The following ADCY2 variants were observed in gnomAD, a reference collection of about 807,000 sequenced individuals.
ADCY2 encodes adenylate cyclase type 2.
In ADCY2, 31 loss-of-function variants were observed where a neutral mutation model predicts 125.2. The observed-to-expected ratio is 0.25, with a 90% CI of 0.19 to 0.33. The LOEUF is 0.33. ADCY2 is among the 10% of genes least tolerant of loss of function. The pLI, the probability that ADCY2 is intolerant of heterozygous loss-of-function variation, is 1.00. For missense variants in ADCY2, 904 were observed against 1,418.2 expected, an observed-to-expected ratio of 0.64 and a Z score of 5.82; for synonymous variants, 512 against 548.4, an observed-to-expected ratio of 0.93 and a Z score of 0.93.
intron 3 of ADCY2, among the ~76,000 whole-genome samples, chr5:7,618,714 G>A (rs981523194): frequency 6.6e-6 from 1 of 152,160 alleles, no homozygotes; most frequent in African/African-American, 2.4e-5. Flanking sequence ...TTAGAGAGAT[G>A]ATCTGTCTAA....
At chr5:7,811,228 C>T (rs958645261) in intron 22 of ADCY2, among the ~76,000 whole-genome samples, 7 of 152,110 alleles carry the variant, frequency 4.6e-5, no homozygotes, top group East Asian at 1.9e-4. Context: ...CTGGGCCGGG[C>T]GCAGTGGCTC....
intron 2 of ADCY2, among the ~76,000 whole-genome samples, chr5:7,482,488 G>C (rs1301133895): frequency 2.0e-5 from 3 of 151,914 alleles, no homozygotes. Context: ...TTGAAGATGT[G>C]GAGCAAACTC....
intron 2 of ADCY2, among the ~76,000 whole-genome samples, chr5:7,486,227 G>A (rs1032211294): frequency 1.3e-5 from 2 of 152,102 alleles, no homozygotes; most frequent in Non-Finnish European, 2.9e-5. Flanking sequence ...ATGAAGTATC[G>A]TAATAGTCAA....
chr5:7,465,562 A>G (rs1742084044), intron 2 of ADCY2, among the ~76,000 whole-genome samples: 1 of 152,184 alleles, frequency 6.6e-6, no homozygotes, highest in African/African-American at 2.4e-5. Context: ...TACAAGGTGT[A>G]TTTGGGATGA....
rs1018551329 is a variant in ADCY2, at chr5:7,820,742, G to A, written c.3123+53G>A. The A allele has an allele frequency of 7.7e-6, 12 of 1,560,882 alleles. No individual in the cohort carries two copies. The East Asian group carries it at 2.7e-4, about 36-fold the overall frequency. On this transcript the variant is annotated intron_variant, in intron 24 of 24. Transcript: ENST00000338316. ...TGCATCAACCATGTCTGTTCTCTTG[G>A]GAACCATAAATAAGTATAATAAGGA...
chr5:7,686,803 C>A (rs1579315729), intron 4 of ADCY2, among the ~76,000 whole-genome samples: 1 of 152,178 alleles, frequency 6.6e-6, no homozygotes, highest in African/African-American at 2.4e-5. Flanking sequence ...TGAAATTTAT[C>A]ATGGATGCCA....
At chr5:7,541,468 T>A (rs1734995280) in intron 3 of ADCY2, among the ~76,000 whole-genome samples, 2 of 152,322 alleles carry the variant, frequency 1.3e-5, no homozygotes, top group South Asian at 4.1e-4. Context: ...TGTCTGTCTT[T>A]GAGCAACATT....
chr5:7,789,852 C>A, intron 20 of ADCY2, 52 bp downstream of exon 20: 1 of 1,414,866 alleles, frequency 7.1e-7, no homozygotes, highest in Non-Finnish European at 9.4e-7. Flanking sequence ...GCCATGATGA[C>A]CTGGGTGAGG....
intron 3 of ADCY2, among the ~76,000 whole-genome samples, chr5:7,556,490 A>T (rs961545529): frequency 6.6e-6 from 1 of 152,252 alleles, no homozygotes; most frequent in African/African-American, 2.4e-5. Flanking sequence ...TGTTCTCAGT[A>T]TGTCAAGCTT....
chr5:7,423,198 A>C (rs1371485239), intron 2 of ADCY2, among the ~76,000 whole-genome samples: 1 of 152,196 alleles, frequency 6.6e-6, no homozygotes, highest in East Asian at 1.9e-4. Context: ...ATTTGAGGGA[A>C]GTGCAGCTGA....
intron 4 of ADCY2, among the ~76,000 whole-genome samples, chr5:7,645,734 C>A (rs927018093): frequency 1.3e-5 from 2 of 152,108 alleles, no homozygotes; most frequent in African/African-American, 4.8e-5. Flanking sequence ...TTCACTTATT[C>A]AACAGGCTTT....
chr5:7,666,047 C>G (rs370053105), intron 4 of ADCY2, among the ~76,000 whole-genome samples: 4 of 150,306 alleles, frequency 2.7e-5, no homozygotes, highest in Admixed American at 2.6e-4. Context: ...ACCATGTTAG[C>G]CAGGATGGTC....
chr5:7,466,255 G>T (rs775518781), intron 2 of ADCY2, among the ~76,000 whole-genome samples: 3 of 151,646 alleles, frequency 2.0e-5, no homozygotes, highest in African/African-American at 4.8e-5. Flanking sequence ...TTTTCTTTTT[G>T]TTATAACCTC....
intron 4 of ADCY2, among the ~76,000 whole-genome samples, chr5:7,687,474 A>G (rs1740555559): frequency 6.6e-6 from 1 of 152,138 alleles, no homozygotes; most frequent in African/African-American, 2.4e-5. Context: ...TTAGTTGGGA[A>G]GTGGTTCTCT....
chr5:7,743,884 A>AAC, intron 15 of ADCY2, 132 bp downstream of exon 15: 1 of 779,422 alleles, frequency 1.3e-6, no homozygotes, highest in South Asian at 1.7e-5. Flanking sequence ...CAGTTAAGGA[A>AAC]ACACACACCC....
At chr5:7,542,884 C>G (rs375761637) in intron 3 of ADCY2, among the ~76,000 whole-genome samples, 12 of 152,298 alleles carry the variant, frequency 7.9e-5, no homozygotes, top group African/African-American at 2.2e-4. Context: ...CACCCCTTGT[C>G]AACTGGACAC....
At chr5:7,437,190 G>T (rs1348135051) in intron 2 of ADCY2, among the ~76,000 whole-genome samples, 1 of 152,198 alleles carries the variant, frequency 6.6e-6, no homozygotes, top group African/African-American at 2.4e-5. Context: ...GCCCATGCAT[G>T]TAAGGGATTG....
At chr5:7,398,903 G>A (rs747605474) in intron 1 of ADCY2, among the ~76,000 whole-genome samples, 2 of 152,184 alleles carry the variant, frequency 1.3e-5, no homozygotes, top group East Asian at 1.9e-4. Flanking sequence ...TCCAAAACAC[G>A]TTCTCCATCC....
intron 3 of ADCY2, among the ~76,000 whole-genome samples, chr5:7,616,956 G>T (rs1004600755): frequency 6.6e-6 from 1 of 152,048 alleles, no homozygotes; most frequent in Non-Finnish European, 1.5e-5. Context: ...GACCCTGTGA[G>T]GTCACTGAAT....
Sources: allele counts gnomAD v4.1 joint callset (sites outside exome capture counted in the v4.1 genomes callset), GRCh38; gene constraint gnomAD v4.1.1; transcripts MANE v1.5; gene names NCBI Gene and HGNC (gene_info 2026-07-23, HGNC 2026-07-21).